The following EYS variants were observed in gnomAD, a reference collection of about 807,000 sequenced individuals.
EYS encodes the protein protein eyes shut homolog.
Under a neutral mutation model 282.1 loss-of-function variants are expected in EYS, and 250 were observed. The ratio of observed to expected loss-of-function variants is 0.89; its 90% CI spans 0.80 to 0.98. EYS has a LOEUF of 0.98. Ranked by LOEUF, EYS falls within the 50% of genes least tolerant of loss-of-function variation. The pLI, the probability that EYS is intolerant of heterozygous loss-of-function variation, is 0.00. For missense variants in EYS, 4,016 were observed against 3,709.0 expected, an observed-to-expected ratio of 1.08 and a Z score of -2.15; for synonymous variants, 1,355 against 1,282.9, an observed-to-expected ratio of 1.06 and a Z score of -1.20.
At chr6:64,343,696 G>A (rs4445039) in intron 29 of EYS, among the ~76,000 whole-genome samples, 4,739 of 151,632 alleles carry the variant, frequency 0.031, 235 homozygotes, top group African/African-American at 0.11. Context: ...AAGGCAAGAA[G>A]TAACTAAGAT....
intron 33 of EYS, among the ~76,000 whole-genome samples, chr6:64,020,430 C>A (rs1381480083): frequency 9.2e-5 from 14 of 152,026 alleles, no homozygotes; most frequent in Admixed American, 8.5e-4. Context: ...GTTTACTTAA[C>A]TAAAAAAACA....
At chr6:64,374,969 A>G (rs1264221797) in intron 29 of EYS, among the ~76,000 whole-genome samples, 1 of 152,206 alleles carries the variant, frequency 6.6e-6, no homozygotes, top group Non-Finnish European at 1.5e-5. Flanking sequence ...AGCAAAAAAG[A>G]GTTCTCTTCA....
Position 63,721,495 on chromosome 6 carries a change from C to T in EYS, c.8536G>A (p.Gly2846Ser). 1 of 1,551,386 alleles carries T rather than the reference C, an allele frequency of 6.4e-7. No individual in the cohort carries two copies. The highest frequency in any genetic ancestry group is 2.0e-5 in the Admixed American group (1 of 50,966). The change falls in exon 43 of 43, where the codon GGC becomes AGC. Residue 2846 changes from glycine (G) to serine (S), a missense_variant. Gly to Ser is a moderately conservative substitution (Grantham distance 56). Coordinates refer to ENST00000503581, the MANE Select transcript of EYS (RefSeq NM_001142800.2). ...TTTATGATAACTTGTCGGATACAGC[C>T]TTGAAAACCTACAGGTTCATTTTCT... ...AIENEPVGFQ[G>S]CIRQVIINNQ...
At chr6:64,415,238 AG>A (rs1319954093) in intron 28 of EYS, among the ~76,000 whole-genome samples, 3 of 152,224 alleles carry the variant, frequency 2.0e-5, no homozygotes, top group African/African-American at 7.2e-5. Context: ...AGAGCCACAC[AG>A]GTGTTTTTCA....
chr6:64,652,481 A>C (rs1768598887), intron 22 of EYS, among the ~76,000 whole-genome samples: 1 of 152,098 alleles, frequency 6.6e-6, no homozygotes, highest in Non-Finnish European at 1.5e-5. Context: ...ACCACAAGGA[A>C]ATGAATTTTG....
At chr6:64,540,742 C>T (rs1764675676) in intron 26 of EYS, among the ~76,000 whole-genome samples, 2 of 152,162 alleles carry the variant, frequency 1.3e-5, no homozygotes, top group South Asian at 4.1e-4. Flanking sequence ...CCTCGGCCTC[C>T]CAAAGTGCTG....
intron 29 of EYS, among the ~76,000 whole-genome samples, chr6:64,320,791 C>T (rs1390257598): frequency 3.3e-5 from 5 of 151,596 alleles, no homozygotes; most frequent in Non-Finnish European, 3.0e-5. Context: ...TTGTATTCTT[C>T]CAGATTTTTC....
chr6:65,596,945 T>C (rs956394509), intron 2 of EYS, among the ~76,000 whole-genome samples: 17 of 152,004 alleles, frequency 1.1e-4, no homozygotes, highest in Non-Finnish European at 2.1e-4. Flanking sequence ...AAGGACATCA[T>C]TAGAATGATG....
At chr6:64,803,723 G>A (rs1175454902) in intron 22 of EYS, among the ~76,000 whole-genome samples, 1 of 152,222 alleles carries the variant, frequency 6.6e-6, no homozygotes, top group Non-Finnish European at 1.5e-5. Flanking sequence ...TCTGGAGGGG[G>A]CCAGGGCGGC....
At chr6:65,467,061 AAC>A (rs1290796621) in intron 5 of EYS, among the ~76,000 whole-genome samples, 3 of 152,160 alleles carry the variant, frequency 2.0e-5, no homozygotes, top group African/African-American at 4.8e-5. Context: ...AATGGCCAAA[AAC>A]ACAGTCACTT....
chr6:63,778,207 G>GTTAA (rs1770115798), intron 39 of EYS, 27 bp from the exon 40 acceptor site: 1 of 1,545,632 alleles, frequency 6.5e-7, no homozygotes, highest in African/African-American at 1.4e-5. Context: ...AACACTTCGT[G>GTTAA]TTAACAAACA....
At chr6:65,382,970 T>A (rs991768468) in intron 8 of EYS, among the ~76,000 whole-genome samples, 5 of 147,572 alleles carry the variant, frequency 3.4e-5, no homozygotes, top group African/African-American at 1.2e-4. Flanking sequence ...GTATTAAGCA[T>A]CACATGCTAG....
intron 30 of EYS, among the ~76,000 whole-genome samples, chr6:64,258,705 T>C (rs1034368545): frequency 6.6e-6 from 1 of 152,118 alleles, no homozygotes; most frequent in Non-Finnish European, 1.5e-5. Flanking sequence ...GTCTCAGTAC[T>C]TCTAGGCTGC....
intron 12 of EYS, among the ~76,000 whole-genome samples, chr6:65,210,821 C>T (rs990158494): frequency 1.3e-5 from 2 of 151,642 alleles, no homozygotes; most frequent in Admixed American, 1.3e-4. Context: ...AAGTTTTAGA[C>T]AAAGTTTTAA....
In EYS at chr6:64,591,072, G is replaced by C; in HGVS notation, c.4795C>G (p.Leu1599Val). 1 of 1,551,314 alleles carries C rather than the reference G, an allele frequency of 6.4e-7. No individual in the cohort carries two copies. Among genetic ancestry groups the C allele is most frequent in the Middle Eastern group, 1.7e-4 (1 of 5,992 alleles). The change falls in exon 26 of 43, where the codon CTA becomes GTA. Residue 1599 changes from leucine (L) to valine (V), a missense_variant. By Grantham distance (32) the Leu-to-Val change is conservative (BLOSUM62 1). Transcript: ENST00000503581. Reference sequence around the variant, plus strand: ...GAAGTGATAGTTTGAGCTCCCATTAGTGCATACCAGCTGGCTAATATCGCT... The same window carrying C: ...GAAGTGATAGTTTGAGCTCCCATTACTGCATACCAGCTGGCTAATATCGCT... ...NSAILASWYA[L>V]MGAQTITSGH...
At position 65,335,261 on chromosome 6, in the gene EYS, G is replaced by C. The variant is rs1562103391; in HGVS notation, c.1600-115C>G. The stretch of plus-strand genomic sequence containing the variant: ...TCTCTGTCTACTAAGATGAAACCTA[G>C]GGTTAAGGAAACAGAAGGTAACTAT... On this transcript the variant is annotated intron_variant, in intron 10 of 42. Transcript: ENST00000503581. 3.8e-6 allele frequency: 3 copies of C among 786,016 alleles called. No homozygotes were observed. The East Asian group carries it at 7.9e-5, about 21-fold the overall frequency. The allele number at this position is 786,016 out of a possible 1,614,324, so 48.7% of individuals were successfully genotyped here. A position where few individuals can be genotyped will look rare whatever the true frequency, so the allele number is the denominator to read the frequency against.
In EYS at chr6:64,081,841, A is replaced by T. The variant is rs777285010; in HGVS notation, c.6571+15T>A. ...AGAAACATGACATACAAGAAGTCAA[A>T]CATTTAATACTCACTGTAAAGAATA... On this transcript the variant is annotated intron_variant, in intron 32 of 42. Coordinates refer to ENST00000503581, the MANE Select transcript of EYS (RefSeq NM_001142800.2). 8.2e-6 allele frequency: 12 copies of T among 1,464,156 alleles called. No homozygotes were observed. The South Asian group carries it at 1.5e-4, about 18-fold the overall frequency. 90.7% of individuals were successfully genotyped at this position (1,464,156 alleles called of 1,614,324 possible).
chr6:64,131,810 A>G (rs1320084708), intron 31 of EYS, among the ~76,000 whole-genome samples: 1 of 152,222 alleles, frequency 6.6e-6, no homozygotes, highest in Admixed American at 6.5e-5. Context: ...AAATAGTAAC[A>G]TACTACTTTG....
intron 11 of EYS, among the ~76,000 whole-genome samples, chr6:65,324,497 C>T (rs1769564071): frequency 6.6e-6 from 1 of 152,186 alleles, no homozygotes; most frequent in South Asian, 2.1e-4. Flanking sequence ...TATTGTAAAC[C>T]TTCCTTGCAA....
Sources: gnomAD v4.1 joint callset for allele counts (sites outside exome capture counted in the v4.1 genomes callset) on GRCh38, gnomAD v4.1.1 for gene constraint, MANE v1.5 for transcripts, NCBI Gene and HGNC (gene_info 2026-07-23, HGNC 2026-07-21) for gene names.